PSMB7: variants seen among roughly 807,000 people sequenced by gnomAD.
The protein encoded by PSMB7 is proteasome 20S subunit beta 7.
Under a neutral mutation model 28.1 loss-of-function variants are expected in PSMB7, and 5 were observed. That is an observed-to-expected ratio of 0.18 (90% CI 0.09 to 0.37). The LOEUF (loss-of-function observed/expected upper bound fraction) is 0.37. Ranked by LOEUF, PSMB7 falls within the 10% of genes least tolerant of loss-of-function variation. The probability of loss-of-function intolerance (pLI) is 1.00; values close to 1 mark genes in which losing one functional copy is unlikely to be tolerated. For synonymous variants in PSMB7, 122 were observed against 123.7 expected (o/e 0.99, Z 0.09); for missense variants, 275 against 346.2 (o/e 0.79, Z 1.63).
At chr9:124,361,839 T>G (rs1437393918) in intron 6 of PSMB7, among the ~76,000 whole-genome samples, 5 of 152,228 alleles carry the variant, frequency 3.3e-5, no homozygotes, top group African/African-American at 9.6e-5. Context: ...ATAGTGCAGG[T>G]CCAAAATAGT....
chr9:124,367,283 A>T (rs1830517434), intron 6 of PSMB7, among the ~76,000 whole-genome samples: 2 of 152,176 alleles, frequency 1.3e-5, no homozygotes, highest in African/African-American at 4.8e-5. Flanking sequence ...CTGAACAAAC[A>T]CAGCCTTTAC....
At chr9:124,360,864 G>C (rs1270755871) in intron 6 of PSMB7, among the ~76,000 whole-genome samples, 1 of 152,134 alleles carries the variant, frequency 6.6e-6, no homozygotes, top group Non-Finnish European at 1.5e-5. Flanking sequence ...TAGAAATAAA[G>C]GTACAGAAAG....
chr9:124,388,706 T>C (rs1372911760), intron 5 of PSMB7, among the ~76,000 whole-genome samples: 1 of 152,088 alleles, frequency 6.6e-6, no homozygotes, highest in Non-Finnish European at 1.5e-5. Flanking sequence ...CCATCCCCCA[T>C]ACACACCCCT....
intron 6 of PSMB7, among the ~76,000 whole-genome samples, chr9:124,370,666 AT>A (rs1362825024): frequency 6.6e-6 from 1 of 152,212 alleles, no homozygotes; most frequent in Non-Finnish European, 1.5e-5. Flanking sequence ...TACAGTAGCA[AT>A]TTAAAACCTT....
At chr9:124,414,311 A>C (rs1831062713) in intron 2 of PSMB7, among the ~76,000 whole-genome samples, 1 of 152,256 alleles carries the variant, frequency 6.6e-6, no homozygotes, top group Admixed American at 6.5e-5. Flanking sequence ...AGACTCAGGA[A>C]TCTTTCCATT....
intron 6 of PSMB7, among the ~76,000 whole-genome samples, chr9:124,359,044 CCTCT>C (rs1231393231): frequency 2.0e-5 from 3 of 152,094 alleles, no homozygotes; most frequent in African/African-American, 7.2e-5. Context: ...AGTGATCCTC[CCTCT>C]ATTTTGCAAA....
At chr9:124,375,316 A>G (rs1484056843) in intron 6 of PSMB7, among the ~76,000 whole-genome samples, 2 of 152,098 alleles carry the variant, frequency 1.3e-5, no homozygotes, top group Admixed American at 6.5e-5. Context: ...ATGTACCACC[A>G]TACCCGGCTA....
intron 6 of PSMB7, among the ~76,000 whole-genome samples, chr9:124,359,439 C>CA (rs1484152080): frequency 6.6e-6 from 1 of 152,220 alleles, no homozygotes; most frequent in Non-Finnish European, 1.5e-5. Context: ...TGATGATCAT[C>CA]ATGTTCACCC....
chr9:124,369,783 C>A (rs967520644), intron 6 of PSMB7, among the ~76,000 whole-genome samples: 2 of 152,166 alleles, frequency 1.3e-5, no homozygotes, highest in Admixed American at 1.3e-4. Context: ...CCTTTCCTCA[C>A]ACCCCAAGAC....
In PSMB7 at chr9:124,387,512, C is replaced by T. The variant is rs77452092; in HGVS notation, c.512-2856G>A. On this transcript the variant is annotated intron_variant, in intron 5 of 7. Coordinates refer to ENST00000259457, the MANE Select transcript of PSMB7 (RefSeq NM_002799.4). ...ATACACACACACACACTCTCTCTCT[C>T]GAGAAATTTTCTGAAAAGCAGGAGC... is the stretch of plus-strand genomic sequence containing the variant. Among the ~76,000 whole-genome samples, 8 of 152,126 alleles carry T rather than the reference C, an allele frequency of 5.3e-5. No homozygotes were observed. The South Asian group carries it at 6.2e-4, about 12-fold the overall frequency.
chr9:124,408,859 C>T (rs758396098), intron 4 of PSMB7, among the ~76,000 whole-genome samples: 4 of 152,120 alleles, frequency 2.6e-5, no homozygotes, highest in Admixed American at 6.6e-5. Flanking sequence ...TTTCTAGTGT[C>T]TACGTTTTTT....
At chr9:124,360,020 A>G (rs1407455481) in intron 6 of PSMB7, among the ~76,000 whole-genome samples, 1 of 152,190 alleles carries the variant, frequency 6.6e-6, no homozygotes, top group Non-Finnish European at 1.5e-5. Context: ...ACACACACCT[A>G]TAGGGACCTA....
chr9:124,357,357 T>C (rs1205435515), intron 6 of PSMB7, among the ~76,000 whole-genome samples: 1 of 152,112 alleles, frequency 6.6e-6, no homozygotes, highest in Admixed American at 6.5e-5. Flanking sequence ...CAACAGGCAG[T>C]GGGCCAGATC....
At chr9:124,380,290 T>G (rs529843917) in intron 6 of PSMB7, among the ~76,000 whole-genome samples, 1 of 152,344 alleles carries the variant, frequency 6.6e-6, no homozygotes, top group East Asian at 1.9e-4. Flanking sequence ...TTCATGTGTC[T>G]TGAAAAATAT....
chr9:124,396,517 T>G (rs1830845149), intron 5 of PSMB7, among the ~76,000 whole-genome samples: 1 of 152,218 alleles, frequency 6.6e-6, no homozygotes, highest in Non-Finnish European at 1.5e-5. Flanking sequence ...ACTTAGTAGG[T>G]GCATTCCAGT....
chr9:124,379,462 T>A (rs1029457922), intron 6 of PSMB7, among the ~76,000 whole-genome samples: 2 of 151,982 alleles, frequency 1.3e-5, no homozygotes, highest in African/African-American at 4.8e-5. Flanking sequence ...AAAATGAAAA[T>A]TAGAAGACCA....
intron 6 of PSMB7, among the ~76,000 whole-genome samples, chr9:124,366,149 A>C (rs1830505685): frequency 6.6e-6 from 1 of 152,254 alleles, no homozygotes; most frequent in Non-Finnish European, 1.5e-5. Flanking sequence ...ATGATGGTGC[A>C]TGCCTGTAAT....
At chr9:124,366,038 C>T (rs1830503726) in intron 6 of PSMB7, among the ~76,000 whole-genome samples, 1 of 152,156 alleles carries the variant, frequency 6.6e-6, no homozygotes, top group African/African-American at 2.4e-5. Context: ...AAGGTCTACA[C>T]CAATGTGTGT....
At chr9:124,364,524 G>A (rs1283345099) in intron 6 of PSMB7, among the ~76,000 whole-genome samples, 27 of 132,078 alleles carry the variant, frequency 2.0e-4, no homozygotes, top group South Asian at 4.9e-4. Flanking sequence ...TGTAATCAGA[G>A]AAAAAAAAAA....
Sources: gnomAD v4.1 joint callset for allele counts (sites outside exome capture counted in the v4.1 genomes callset) on GRCh38, gnomAD v4.1.1 for gene constraint, MANE v1.5 for transcripts, NCBI Gene and HGNC (gene_info 2026-07-23, HGNC 2026-07-21) for gene names.